The following TMTC2 variants were observed in gnomAD, a reference collection of about 807,000 sequenced individuals.
The protein encoded by TMTC2 is protein O-mannosyl-transferase TMTC2.
Under a neutral mutation model 82.4 loss-of-function variants are expected in TMTC2, and 43 were observed. That is an observed-to-expected ratio of 0.52 (90% CI 0.41 to 0.67). The LOEUF is 0.67. Ranked by LOEUF, TMTC2 falls within the 30% of genes least tolerant of loss-of-function variation. The pLI is 0.00. For synonymous variants in TMTC2, 408 were observed against 381.9 expected (o/e 1.07, Z -0.80); for missense variants, 919 against 1,012.4 (o/e 0.91, Z 1.25).
At chr12:82,987,741 A>G (rs1592676996) in intron 8 of TMTC2, among the ~76,000 whole-genome samples, 1 of 152,210 alleles carries the variant, frequency 6.6e-6, no homozygotes, top group South Asian at 2.1e-4. Context: ...GGGCCAATGG[A>G]AGAGCAGGAA....
chr12:83,050,736 T>C (rs1882315302), intron 9 of TMTC2, among the ~76,000 whole-genome samples, 168 bp from the exon 10 acceptor site: 1 of 152,138 alleles, frequency 6.6e-6, no homozygotes, highest in Admixed American at 6.6e-5. Context: ...AACCTTGAAA[T>C]GTTCCATAGT....
chr12:82,747,043 C>T (rs983241826), intron 1 of TMTC2, among the ~76,000 whole-genome samples: 2 of 152,180 alleles, frequency 1.3e-5, no homozygotes, highest in Admixed American at 1.3e-4. Context: ...CTTGATGGGG[C>T]TCTAAGCAAG....
chr12:83,063,533 TA>T (rs2137476105), intron 11 of TMTC2, among the ~76,000 whole-genome samples: 1 of 152,030 alleles, frequency 6.6e-6, no homozygotes, highest in South Asian at 2.1e-4. Flanking sequence ...AACCCACAGA[TA>T]CCTTTGTGAT....
chr12:83,041,643 C>G (rs560943372), intron 9 of TMTC2, among the ~76,000 whole-genome samples: 1 of 152,002 alleles, frequency 6.6e-6, no homozygotes, highest in African/African-American at 2.4e-5. Flanking sequence ...AACCTCTTTA[C>G]ATGTAAACAA....
chr12:82,734,909 G>T (rs899642108), intron 1 of TMTC2, among the ~76,000 whole-genome samples: 1 of 152,176 alleles, frequency 6.6e-6, no homozygotes, highest in Non-Finnish European at 1.5e-5. Flanking sequence ...TCTCTTAAGA[G>T]AATTAGAAAT....
At chr12:82,697,500 TG>T (rs532330980) in intron 1 of TMTC2, among the ~76,000 whole-genome samples, 56 of 152,288 alleles carry the variant, frequency 3.7e-4, no homozygotes, top group African/African-American at 1.3e-3. Flanking sequence ...GGATTAAAAA[TG>T]GTTGAGTATA....
At chr12:82,809,957 AGGCT>A (rs1879415353) in intron 1 of TMTC2, among the ~76,000 whole-genome samples, 1 of 152,138 alleles carries the variant, frequency 6.6e-6, no homozygotes, top group African/African-American at 2.4e-5. Context: ...TCTCCAAATT[AGGCT>A]GGTCCTTTCT....
At chr12:83,065,914 A>G (rs1882902293) in intron 11 of TMTC2, among the ~76,000 whole-genome samples, 1 of 152,070 alleles carries the variant, frequency 6.6e-6, no homozygotes, top group African/African-American at 2.4e-5. Flanking sequence ...CTCTAGAATT[A>G]GAAGAGGGTA....
chr12:82,910,919 C>T (rs910303045), intron 3 of TMTC2, among the ~76,000 whole-genome samples: 4 of 151,008 alleles, frequency 2.6e-5, no homozygotes, highest in East Asian at 2.0e-4. Context: ...CTCGCTCTGT[C>T]GCCCAGGCTG....
intron 8 of TMTC2, among the ~76,000 whole-genome samples, chr12:82,988,616 C>G (rs1166833744): frequency 1.3e-5 from 2 of 151,624 alleles, no homozygotes; most frequent in African/African-American, 2.4e-5. Context: ...GAGGGTCTTC[C>G]CATGGAGTAC....
At chr12:82,894,566 G>A (rs1435449254) in intron 2 of TMTC2, among the ~76,000 whole-genome samples, 1 of 152,196 alleles carries the variant, frequency 6.6e-6, no homozygotes, top group Non-Finnish European at 1.5e-5. Flanking sequence ...ACGCCAGGAT[G>A]TTTGCTGTAA....
chr12:82,940,275 C>A (rs1051976809), intron 4 of TMTC2, among the ~76,000 whole-genome samples: 1 of 151,794 alleles, frequency 6.6e-6, no homozygotes, highest in Non-Finnish European at 1.5e-5. Flanking sequence ...CCTTGGCCTC[C>A]CAAAGTGCTG....
intron 1 of TMTC2, among the ~76,000 whole-genome samples, chr12:82,766,943 T>G (rs1050133486): frequency 6.6e-6 from 1 of 152,134 alleles, no homozygotes; most frequent in Non-Finnish European, 1.5e-5. Flanking sequence ...GGACTACAAG[T>G]GCACGCCACC....
At chr12:82,893,265 C>A (rs1484939162) in intron 2 of TMTC2, among the ~76,000 whole-genome samples, 3 of 150,524 alleles carry the variant, frequency 2.0e-5, no homozygotes, top group Non-Finnish European at 4.4e-5. Flanking sequence ...CAGCTACTTG[C>A]AAAGCTGAGG....
rs552760069 is a variant in TMTC2 at position 82,955,437 on chromosome 12, A to G, written c.1599-9587A>G. Among the ~76,000 whole-genome samples the G allele has an allele frequency of 7.6e-4, 115 of 152,304 alleles. 1 individual carries two copies. The highest frequency in any genetic ancestry group is 6.8e-3 in the Middle Eastern group (2 of 294). On this transcript the variant is annotated intron_variant, in intron 4 of 11. Transcript: ENST00000321196. The stretch of plus-strand genomic sequence containing the variant: ...GGGTTTGACTGTTCTTTATTAATCA[A>G]GTGTCCAGATTATTGTGATTTCATA...
intron 10 of TMTC2, among the ~76,000 whole-genome samples, chr12:83,058,648 T>A (rs1592721121): frequency 6.6e-6 from 1 of 151,864 alleles, no homozygotes; most frequent in Admixed American, 6.6e-5. Flanking sequence ...CGGAGCAAGT[T>A]GCCCATCTGG....
intron 4 of TMTC2, among the ~76,000 whole-genome samples, chr12:82,960,937 T>A (rs1877896509): frequency 6.6e-6 from 1 of 151,946 alleles, no homozygotes; most frequent in Admixed American, 6.6e-5. Flanking sequence ...TGAAAAGTCA[T>A]AAAAAGCCTT....
chr12:82,965,542 T>G lies in TMTC2; in HGVS notation c.1685-18T>G. On this transcript the variant is annotated intron_variant, in intron 5 of 11. Transcript: ENST00000321196. ...TATATCATCTTCTCACACTTTTGTT[T>G]CCACTTTTCCCCCTCAGCTGCATAT... 6.2e-7 allele frequency: 1 copy of G among 1,612,896 alleles called. No homozygotes were observed. Among genetic ancestry groups the G allele is most frequent in the African/African-American group, 1.3e-5 (1 of 74,972 alleles).
chr12:82,864,858 C>T (rs1402759014), intron 2 of TMTC2, among the ~76,000 whole-genome samples: 1 of 151,374 alleles, frequency 6.6e-6, no homozygotes, highest in Non-Finnish European at 1.5e-5. Flanking sequence ...TGTTATTGTA[C>T]TTTTTACTGA....
Sources: allele counts gnomAD v4.1 joint callset (sites outside exome capture counted in the v4.1 genomes callset), GRCh38; gene constraint gnomAD v4.1.1; transcripts MANE v1.5; gene names NCBI Gene and HGNC (gene_info 2026-07-23, HGNC 2026-07-21).